HPSE2: variants seen among roughly 807,000 people sequenced by gnomAD.
HPSE2 encodes the protein inactive heparanase-2.
A neutral mutation model predicts 60.5 loss-of-function variants in HPSE2; 38 were observed. The ratio of observed to expected loss-of-function variants is 0.63; its 90% CI spans 0.48 to 0.82. HPSE2 has a LOEUF of 0.82. Among genes scored for constraint, HPSE2 ranks in the 40% least tolerant of loss-of-function variants. HPSE2 has a pLI of 0.00. For missense variants in HPSE2, 713 were observed against 740.4 expected (o/e 0.96, Z 0.43); for synonymous variants, 295 against 293.2 (o/e 1.01, Z -0.06).
At chr10:99,102,870 A>G (rs552965444) in intron 3 of HPSE2, among the ~76,000 whole-genome samples, 3 of 152,366 alleles carry the variant, frequency 2.0e-5, no homozygotes, top group East Asian at 1.9e-4. Context: ...AAACAGAACC[A>G]AAGACAAAAA....
intron 3 of HPSE2, among the ~76,000 whole-genome samples, chr10:99,101,128 ATACAT>A (rs1231137655): frequency 6.6e-6 from 1 of 152,358 alleles, no homozygotes; most frequent in Non-Finnish European, 1.5e-5. Context: ...GATAAAATTC[ATACAT>A]TACAATATTA....
chr10:98,983,028 T>C (rs1436099602), intron 3 of HPSE2, among the ~76,000 whole-genome samples: 1 of 152,174 alleles, frequency 6.6e-6, no homozygotes, highest in African/African-American at 2.4e-5. Context: ...TAATCAATAT[T>C]TACTGGCTAC....
At chr10:98,739,343 G>A (rs537972572) in intron 4 of HPSE2, among the ~76,000 whole-genome samples, 39 of 151,540 alleles carry the variant, frequency 2.6e-4, no homozygotes, top group African/African-American at 7.5e-4. Context: ...GTAGGGGAGC[G>A]ATATCATTAG....
intron 9 of HPSE2, among the ~76,000 whole-genome samples, chr10:98,543,366 G>A (rs946993745): frequency 1.3e-5 from 2 of 152,130 alleles, no homozygotes; most frequent in African/African-American, 4.8e-5. Flanking sequence ...ACCAGCCGCT[G>A]CAAAATCATG....
intron 5 of HPSE2, among the ~76,000 whole-genome samples, chr10:98,710,149 C>G (rs1178471905): frequency 2.0e-5 from 3 of 152,066 alleles, no homozygotes; most frequent in Non-Finnish European, 4.4e-5. Flanking sequence ...TTCATTTGGT[C>G]CAAAGCCACT....
At chr10:98,803,750 T>C (rs879618593) in intron 3 of HPSE2, among the ~76,000 whole-genome samples, 11 of 151,082 alleles carry the variant, frequency 7.3e-5, no homozygotes, top group Non-Finnish European at 1.5e-4. Flanking sequence ...TGAAGTCAGG[T>C]AGCATGATGC....
intron 7 of HPSE2, among the ~76,000 whole-genome samples, chr10:98,636,222 T>C (rs1946495478): frequency 6.8e-6 from 1 of 147,900 alleles, no homozygotes; most frequent in Non-Finnish European, 1.5e-5. Context: ...GTGATAAATG[T>C]GTGAATTATC....
intron 3 of HPSE2, among the ~76,000 whole-genome samples, chr10:99,033,890 C>T (rs1184913085): frequency 6.6e-6 from 1 of 152,088 alleles, no homozygotes; most frequent in Non-Finnish European, 1.5e-5. Flanking sequence ...GCAAATGGTA[C>T]AGTCAGTTTG....
chr10:98,663,942 C>A (rs1348484069), intron 6 of HPSE2, among the ~76,000 whole-genome samples: 1 of 152,130 alleles, frequency 6.6e-6, no homozygotes, highest in African/African-American at 2.4e-5. Context: ...CTTGTCTGAA[C>A]ACTGTGGGTA....
chr10:98,731,884 A>G (rs1214189646), intron 4 of HPSE2, among the ~76,000 whole-genome samples: 2 of 152,218 alleles, frequency 1.3e-5, no homozygotes, highest in African/African-American at 2.4e-5. Context: ...ATCCTAAGGA[A>G]TCCACACACA....
At chr10:98,605,509 C>T (rs982629519) in intron 9 of HPSE2, among the ~76,000 whole-genome samples, 2 of 152,050 alleles carry the variant, frequency 1.3e-5, no homozygotes, top group African/African-American at 2.4e-5. Flanking sequence ...AATAAACCAC[C>T]AAATGTTCTG....
chr10:98,463,682 G>A (rs1468786302), intron 11 of HPSE2, among the ~76,000 whole-genome samples: 4 of 152,142 alleles, frequency 2.6e-5, no homozygotes, highest in Non-Finnish European at 5.9e-5. Flanking sequence ...GCACATGCCT[G>A]TAGTCCCAAC....
intron 9 of HPSE2, among the ~76,000 whole-genome samples, chr10:98,531,223 C>T (rs1943121484): frequency 6.6e-6 from 1 of 152,122 alleles, no homozygotes; most frequent in Non-Finnish European, 1.5e-5. Flanking sequence ...ACAATGGATT[C>T]TGACAAAAGA....
chr10:98,778,520 C>G lies in HPSE2; in HGVS notation c.611-34464G>C, dbSNP rs1037683342. 2.0e-5 allele frequency among the ~76,000 whole-genome samples: 3 copies of G among 151,948 alleles called. No individual in the cohort carries two copies. In the East Asian group the frequency reaches 5.8e-4, roughly 29 times the overall value. On this transcript the variant is annotated intron_variant, in intron 3 of 11. Coordinates refer to ENST00000370552, the MANE Select transcript of HPSE2 (RefSeq NM_021828.5). ...AAGTAAGTTTTATCTAGCTGTCCCA[C>G]AGGGAAGTGGTCAGGAGGCAGTTAT...
intron 5 of HPSE2, among the ~76,000 whole-genome samples, chr10:98,701,562 G>T (rs1339327463): frequency 6.6e-6 from 1 of 151,350 alleles, no homozygotes; most frequent in Non-Finnish European, 1.5e-5. Context: ...AATGGGTGCA[G>T]CACACCAGCA....
chr10:98,522,001 G>C (rs1415048782), intron 9 of HPSE2, among the ~76,000 whole-genome samples: 2 of 152,058 alleles, frequency 1.3e-5, no homozygotes, highest in Non-Finnish European at 2.9e-5. Flanking sequence ...GGGGCTGGGG[G>C]AGGGAAAAGC....
chr10:98,659,315 T>G (rs990103012), intron 6 of HPSE2, among the ~76,000 whole-genome samples: 2 of 152,156 alleles, frequency 1.3e-5, no homozygotes, highest in Non-Finnish European at 2.9e-5. Flanking sequence ...AGGTTCTGCA[T>G]CCCAGTAATT....
intron 3 of HPSE2, among the ~76,000 whole-genome samples, chr10:98,828,279 T>C (rs1033580925): frequency 1.3e-5 from 2 of 152,240 alleles, no homozygotes; most frequent in African/African-American, 4.8e-5. Context: ...TGTCTTATTA[T>C]ATGCCCACAA....
chr10:98,744,789 G>C (rs1342543433), intron 3 of HPSE2, among the ~76,000 whole-genome samples: 2 of 152,196 alleles, frequency 1.3e-5, no homozygotes, highest in African/African-American at 4.8e-5. Context: ...ACAAGGCCAG[G>C]AAGGATAACT....
Sources: allele counts gnomAD v4.1 joint callset (sites outside exome capture counted in the v4.1 genomes callset), GRCh38; gene constraint gnomAD v4.1.1; transcripts MANE v1.5; gene names NCBI Gene and HGNC (gene_info 2026-07-23, HGNC 2026-07-21).